Variants in HK1 observed in about 807,000 individuals in gnomAD.
The protein encoded by HK1 is hexokinase 1, also known as hexokinase-1.
In HK1, 28 loss-of-function variants were observed where a neutral mutation model predicts 91.6. The ratio of observed to expected loss-of-function variants is 0.31; its 90% CI spans 0.23 to 0.42. HK1 has a LOEUF of 0.42. Ranked by LOEUF, HK1 falls within the 10% of genes least tolerant of loss-of-function variation. The pLI is 1.00. For missense variants in HK1, 770 were observed against 1,219.8 expected (o/e 0.63, Z 5.49); for synonymous variants, 430 against 468.1 (o/e 0.92, Z 1.05).
In HK1 at chr10:69,281,862, G is replaced by C. The variant is rs191631767; in HGVS notation, c.-390-667G>C. Among the ~76,000 whole-genome samples, 28 of 152,284 alleles carry C rather than the reference G, an allele frequency of 1.8e-4. 1 individual carries two copies. In the East Asian group the frequency reaches 5.2e-3, roughly 28 times the overall value. ...GCCTGGAATATCCATTAGAACGTTG[G>C]CTGCCAAGTCTAGCCCAGCTCTCTC... On this transcript the variant is annotated intron_variant, in intron 1 of 21. Coordinates refer to the HK1 transcript ENST00000360289.
At chr10:69,300,573 A>G in intron 4 of HK1, 1 of 698,144 alleles carries the variant, frequency 1.4e-6, no homozygotes, top group Non-Finnish European at 2.6e-6. Flanking sequence ...TAGATCTTTG[A>G]GTTGCACATC....
At position 69,360,025 on chromosome 10, in the gene HK1, G is replaced by A. The variant is rs778243477; in HGVS notation, c.355G>A (p.Val119Met). 6 of 1,614,120 alleles carry A rather than the reference G, an allele frequency of 3.7e-6. No homozygotes were observed. The highest frequency in any genetic ancestry group is 2.2e-5 in the East Asian group (1 of 44,886). The change falls in exon 3 of 18, where the codon GTG becomes ATG. Residue 119 changes from valine to methionine, a missense_variant. Val to Met is a conservative substitution (Grantham distance 21). This residue lies in a region of HK1 where 449 missense variants were observed against 665.1 expected (regional missense o/e 0.68). Coordinates refer to ENST00000359426, the MANE Select transcript of HK1 (RefSeq NM_000188.3). Reference protein sequence around the residue: ...SEVYDTPENIVHGSGSQLFDH... With the variant: ...SEVYDTPENIMHGSGSQLFDH... Reference sequence around the variant, plus strand: ...GGTTTATGACACCCCAGAGAACATCGTGCACGGCAGTGGAAGCCAGGTGGG... The same window carrying A: ...GGTTTATGACACCCCAGAGAACATCATGCACGGCAGTGGAAGCCAGGTGGG...
At chr10:69,325,629 G>A (rs1384410591) in intron 1 of HK1, among the ~76,000 whole-genome samples, 2 of 150,900 alleles carry the variant, frequency 1.3e-5, no homozygotes, top group Non-Finnish European at 2.9e-5. Flanking sequence ...GGGTTCAAGT[G>A]ATACTTCTGC....
At chr10:69,338,298 C>T (rs894468686) in intron 1 of HK1, 64 of 1,178,270 alleles carry the variant, frequency 5.4e-5, no homozygotes, top group Admixed American at 5.1e-4. Flanking sequence ...AGGCTGGATG[C>T]GGGTTCTCAG....
chr10:69,288,806 T>C (rs1212940556), intron 3 of HK1: 1 of 1,594,526 alleles, frequency 6.3e-7, no homozygotes, highest in African/African-American at 1.3e-5. Flanking sequence ...TTTCTTTTTT[T>C]GAGACGTTTT....
chr10:69,333,975 G>A (rs575222844), intron 1 of HK1, among the ~76,000 whole-genome samples: 1 of 152,144 alleles, frequency 6.6e-6, no homozygotes, highest in Non-Finnish European at 1.5e-5. Context: ...GCTGGACATG[G>A]TGGTGTGCGC....
At chr10:69,343,171 G>T (rs1051185591) in intron 1 of HK1, among the ~76,000 whole-genome samples, 3 of 152,160 alleles carry the variant, frequency 2.0e-5, no homozygotes, top group Non-Finnish European at 4.4e-5. Flanking sequence ...TTCTCAGAAG[G>T]GTCCTAGCCC....
intron 4 of HK1, 22 bp downstream of exon 4, chr10:69,364,924 C>T (rs144022326): frequency 4.9e-5 from 79 of 1,613,914 alleles, no homozygotes; most frequent in African/African-American, 4.3e-4. Context: ...CTGGGATTAT[C>T]GGGCTCTGCA....
chr10:69,350,909 G>A (rs1040591494), intron 2 of HK1, among the ~76,000 whole-genome samples: 23 of 151,028 alleles, frequency 1.5e-4, no homozygotes, highest in African/African-American at 5.4e-4. Context: ...CGTGGCTCAC[G>A]CCTGTAATCC....
At chr10:69,344,094 T>G in intron 2 of HK1, 105 bp downstream of exon 2, 1 of 1,151,524 alleles carries the variant, frequency 8.7e-7, no homozygotes, top group Non-Finnish European at 1.3e-6. Context: ...CATTCACCAT[T>G]CCATCAATCT....
intron 2 of HK1, among the ~76,000 whole-genome samples, chr10:69,349,089 A>G (rs1289213592): frequency 1.3e-5 from 2 of 152,372 alleles, no homozygotes; most frequent in African/African-American, 2.4e-5. Flanking sequence ...AGGAGGCCCC[A>G]GTAGCAGGAA....
upstream of HK1, chr10:69,315,995 C>T (rs184545682): frequency 1.2e-6 from 2 of 1,614,132 alleles, no homozygotes; most frequent in Admixed American, 1.7e-5. Context: ...TGTCGAGGTG[C>T]TGAGGCCTGG....
intron 2 of HK1, among the ~76,000 whole-genome samples, chr10:69,287,445 G>T (rs12265826): frequency 0.14 from 20,950 of 152,224 alleles, 3,085 homozygotes; most frequent in African/African-American, 0.37. Flanking sequence ...AAAATGAGAT[G>T]TGGGTTGGGA....
At chr10:69,287,276 T>G (rs965429861) in intron 2 of HK1, among the ~76,000 whole-genome samples, 2 of 151,570 alleles carry the variant, frequency 1.3e-5, no homozygotes, top group Non-Finnish European at 2.9e-5. Flanking sequence ...AGGTGCAGGG[T>G]GAAGGGGGAA....
At chr10:69,378,391 C>G (rs1021166519) in intron 8 of HK1, among the ~76,000 whole-genome samples, 1 of 151,702 alleles carries the variant, frequency 6.6e-6, no homozygotes, top group Non-Finnish European at 1.5e-5. Flanking sequence ...ACAGTATCAC[C>G]AGTTTCTATT....
chr10:69,324,009 G>A (rs1046592669), intron 1 of HK1, among the ~76,000 whole-genome samples: 1 of 152,132 alleles, frequency 6.6e-6, no homozygotes. Context: ...ATCAGTTGTG[G>A]TCAGACTGCT....
At chr10:69,365,894 C>T (rs938285840) in intron 4 of HK1, among the ~76,000 whole-genome samples, 2 of 152,106 alleles carry the variant, frequency 1.3e-5, no homozygotes, top group African/African-American at 4.8e-5. Context: ...TGCAATGGCA[C>T]GATCTCGGCT....
intron 4 of HK1, among the ~76,000 whole-genome samples, chr10:69,297,536 T>C (rs1035510286): frequency 1.3e-5 from 2 of 152,194 alleles, no homozygotes; most frequent in African/African-American, 4.8e-5. Flanking sequence ...GAGGGGTTGA[T>C]AGTGGCCCCC....
intron 10 of HK1, among the ~76,000 whole-genome samples, chr10:69,384,130 G>T (rs1839520961): frequency 6.6e-6 from 1 of 152,210 alleles, no homozygotes; most frequent in African/African-American, 2.4e-5. Flanking sequence ...TCTCCTCCCA[G>T]TGTGGCTCCA....
Sources: gnomAD v4.1 joint callset for allele counts (sites outside exome capture counted in the v4.1 genomes callset) on GRCh38, gnomAD v4.1.1 for gene constraint, gnomAD v4.1.1 regional missense constraint, MANE v1.5 for transcripts, NCBI Gene and HGNC (gene_info 2026-07-23, HGNC 2026-07-21) for gene names.